GPHN: variants seen among roughly 807,000 people sequenced by gnomAD.
The protein encoded by GPHN is gephyrin.
A neutral mutation model predicts 95.5 loss-of-function variants in GPHN; 17 were observed. That is an observed-to-expected ratio of 0.18 (90% CI 0.12 to 0.27). The LOEUF is 0.27. Among genes scored for constraint, GPHN ranks in the 10% least tolerant of loss-of-function variants. The pLI, the probability that GPHN is intolerant of heterozygous loss-of-function variation, is 1.00. For missense variants in GPHN, 660 were observed against 978.1 expected (o/e 0.67, Z 4.34); for synonymous variants, 320 against 322.5 (o/e 0.99, Z 0.08).
chr14:67,729,285 C>T, the GPHN span: 1 of 1,605,160 alleles, frequency 6.2e-7, no homozygotes, highest in Non-Finnish European at 8.5e-7. Flanking sequence ...GGCGGCTCTT[C>T]TCCCCCTTTG....
intron 1 of GPHN, among the ~76,000 whole-genome samples, chr14:66,537,630 C>G (rs1460199902): frequency 6.6e-6 from 1 of 151,890 alleles, no homozygotes; most frequent in Non-Finnish European, 1.5e-5. Context: ...CACATGTGTA[C>G]CCTTTCTAAT....
At chr14:66,616,724 T>C (rs1447897142) in intron 1 of GPHN, among the ~76,000 whole-genome samples, 2 of 151,996 alleles carry the variant, frequency 1.3e-5, no homozygotes, top group Non-Finnish European at 2.9e-5. Context: ...CTTTTTTTTT[T>C]AGACGGAGTC....
intron 8 of GPHN, among the ~76,000 whole-genome samples, chr14:66,955,062 C>G (rs1429239116): frequency 1.3e-5 from 2 of 152,006 alleles, no homozygotes; most frequent in African/African-American, 4.8e-5. Context: ...GGATATTAGC[C>G]TGTAGTTTTT....
At chr14:67,659,918 G>A in the GPHN span, 1 of 1,612,214 alleles carries the variant, frequency 6.2e-7, no homozygotes, top group East Asian at 2.2e-5. Context: ...CTCCATCTCT[G>A]CCAGCTGGGA....
intron 1 of GPHN, among the ~76,000 whole-genome samples, chr14:66,570,637 G>T (rs185773035): frequency 1.4e-4 from 22 of 152,218 alleles, no homozygotes; most frequent in Non-Finnish European, 2.8e-4. Flanking sequence ...ATACCCAGAA[G>T]TGGGATTATT....
chr14:67,003,880 A>G (rs893225583), intron 9 of GPHN, among the ~76,000 whole-genome samples: 4 of 151,656 alleles, frequency 2.6e-5, no homozygotes, highest in Non-Finnish European at 5.9e-5. Context: ...CAGCAGAGCA[A>G]AGTTAAACAG....
chr14:66,602,847 A>G (rs2062322244), intron 1 of GPHN, among the ~76,000 whole-genome samples: 1 of 151,928 alleles, frequency 6.6e-6, no homozygotes, highest in Admixed American at 6.6e-5. Flanking sequence ...CAAAAAGCCA[A>G]TAAAAAGTCC....
At chr14:67,069,655 C>T (rs1297204261) in intron 11 of GPHN, among the ~76,000 whole-genome samples, 1 of 152,182 alleles carries the variant, frequency 6.6e-6, no homozygotes, top group Non-Finnish European at 1.5e-5. Flanking sequence ...AAAAAGCTTA[C>T]AGCTTATAAT....
At chr14:67,560,928 G>A in the GPHN span, among the ~76,000 whole-genome samples, 1 of 151,918 alleles carries the variant, frequency 6.6e-6, no homozygotes, top group Admixed American at 6.6e-5. Context: ...ACGGGGTTTC[G>A]TTATGTTGGC....
intron 9 of GPHN, among the ~76,000 whole-genome samples, chr14:66,999,344 A>G (rs1377989278): frequency 2.6e-5 from 4 of 151,988 alleles, no homozygotes; most frequent in African/African-American, 9.7e-5. Flanking sequence ...GGTTGATTAC[A>G]TAGTTTGGGG....
At chr14:67,330,066 G>C in the GPHN span, among the ~76,000 whole-genome samples, 6 of 149,582 alleles carry the variant, frequency 4.0e-5, no homozygotes, top group African/African-American at 1.5e-4. Flanking sequence ...TGGTAAGAGA[G>C]AATATATGCC....
chr14:66,530,441 T>G (rs1249664706), intron 1 of GPHN, among the ~76,000 whole-genome samples: 3 of 151,910 alleles, frequency 2.0e-5, no homozygotes, highest in Non-Finnish European at 4.4e-5. Flanking sequence ...AAGCCCCCTT[T>G]CCGGGGGAGT....
intron 21 of GPHN, among the ~76,000 whole-genome samples, chr14:67,174,174 C>T (rs1049019891): frequency 6.6e-6 from 1 of 152,126 alleles, no homozygotes; most frequent in Non-Finnish European, 1.5e-5. Context: ...CTGCACCCAT[C>T]AACTCGTCAT....
the GPHN span, among the ~76,000 whole-genome samples, chr14:67,355,247 C>T: frequency 9.9e-5 from 15 of 151,640 alleles, no homozygotes; most frequent in Non-Finnish European, 1.5e-4. Flanking sequence ...AAATGACATA[C>T]GTAAGATTCC....
Position 67,058,792 on chromosome 14 carries a change from A to G in GPHN, c.1144+6A>G, listed in dbSNP as rs753331634. 6.2e-7 allele frequency: 1 copy of G among 1,612,390 alleles called. No individual in the cohort carries two copies. The stretch of plus-strand genomic sequence containing the variant: ...AGAAATCATCAATTACCGAGGTACT[A>G]TTATATTTGACCATTGCCCTTTCTT... On this transcript the variant is annotated splice_donor_region_variant and intron_variant, in intron 11 of 22. Coordinates refer to ENST00000478722, the MANE Select transcript of GPHN (RefSeq NM_020806.5).
At chr14:67,161,563 C>A (rs1003520730) in intron 19 of GPHN, among the ~76,000 whole-genome samples, 1 of 151,910 alleles carries the variant, frequency 6.6e-6, no homozygotes, top group Non-Finnish European at 1.5e-5. Flanking sequence ...AAGTTGGAGA[C>A]CAACCTGGGC....
At chr14:66,654,598 T>C (rs569665467) in intron 1 of GPHN, among the ~76,000 whole-genome samples, 1 of 152,300 alleles carries the variant, frequency 6.6e-6, no homozygotes, top group South Asian at 2.1e-4. Flanking sequence ...TCTTGTTTCG[T>C]AGCCTCTTCT....
chr14:67,725,736 G>A, the GPHN span, among the ~76,000 whole-genome samples: 40 of 152,280 alleles, frequency 2.6e-4, no homozygotes, highest in African/African-American at 8.2e-4. Flanking sequence ...GCTCAGAGTC[G>A]GTAGTTAGTA....
chr14:67,642,565 T>C, the GPHN span, among the ~76,000 whole-genome samples: 1 of 152,142 alleles, frequency 6.6e-6, no homozygotes, highest in Non-Finnish European at 1.5e-5. Context: ...GTATGACACA[T>C]TGCACAGTAA....
Sources: allele counts gnomAD v4.1 joint callset (sites outside exome capture counted in the v4.1 genomes callset), GRCh38; gene constraint gnomAD v4.1.1; transcripts MANE v1.5; gene names NCBI Gene and HGNC (gene_info 2026-07-23, HGNC 2026-07-21).